Variants in CCDC33 observed in about 807,000 individuals in gnomAD.
CCDC33 encodes the protein coiled-coil domain-containing protein 33.
In CCDC33, 94 loss-of-function variants were observed where a neutral mutation model predicts 91.9. The observed-to-expected ratio is 1.02, with a 90% CI of 0.87 to 1.21. The LOEUF (loss-of-function observed/expected upper bound fraction) is 1.21, where lower values mean the gene tolerates loss of function less well. Among genes scored for constraint, CCDC33 ranks in the 50% most tolerant of loss-of-function variants. CCDC33 has a pLI of 0.00. For synonymous variants in CCDC33, 396 were observed against 374.5 expected, an observed-to-expected ratio of 1.06 and a Z score of -0.66; for missense variants, 940 against 935.5, an observed-to-expected ratio of 1.00 and a Z score of -0.06.
Position 74,316,573 on chromosome 15 carries a change from C to T in CCDC33, c.1291-13616C>T, listed in dbSNP as rs1240930868. On this transcript the variant is annotated intron_variant, in intron 11 of 18. Coordinates refer to ENST00000398814, the MANE Select transcript of CCDC33 (RefSeq NM_025055.5). The surrounding 1 kb of genome is among the most constrained non-coding windows in gnomAD (Gnocchi z 4.7). The stretch of plus-strand genomic sequence containing the variant: ...CCAGGATCTTGGGGATAGCAGGGGG[C>T]ACACACCCATTTCCCTGGTGGGGAG... 6.6e-6 allele frequency among the ~76,000 whole-genome samples: 1 copy of T among 152,098 alleles called. No homozygotes were observed. Among genetic ancestry groups the T allele is most frequent in the African/African-American group, 2.4e-5 (1 of 41,408 alleles).
At chr15:74,272,004 C>T (rs1189316546) in intron 6 of CCDC33, among the ~76,000 whole-genome samples, 2 of 152,206 alleles carry the variant, frequency 1.3e-5, no homozygotes, top group African/African-American at 2.4e-5. Flanking sequence ...AGCCCAGGCC[C>T]CTGGAAAGGG....
intron 11 of CCDC33, among the ~76,000 whole-genome samples, chr15:74,312,941 C>T (rs759942006): frequency 6.6e-6 from 1 of 152,220 alleles, no homozygotes; most frequent in Non-Finnish European, 1.5e-5. Context: ...CCAGAGGAAG[C>T]CCCCAGACCC....
intron 5 of CCDC33, among the ~76,000 whole-genome samples, chr15:74,269,994 G>A (rs543349924): frequency 4.4e-4 from 67 of 152,278 alleles, no homozygotes; most frequent in Non-Finnish European, 8.4e-4. Context: ...GTGAGCAATA[G>A]GGCCTGCCAG....
At chr15:74,209,987 A>G (rs1595871787) in intron 2 of CCDC33, among the ~76,000 whole-genome samples, 1 of 152,188 alleles carries the variant, frequency 6.6e-6, no homozygotes, top group Non-Finnish European at 1.5e-5. Context: ...CAATGATAGT[A>G]AAAGACCCTG....
At chr15:74,237,774 G>A (rs1180139333) in intron 1 of CCDC33, among the ~76,000 whole-genome samples, 1 of 152,228 alleles carries the variant, frequency 6.6e-6, no homozygotes, top group African/African-American at 2.4e-5. Flanking sequence ...GTGCGTGGGA[G>A]TCCTGAGGAG....
chr15:74,307,278 G>C (rs779644817), intron 11 of CCDC33, among the ~76,000 whole-genome samples: 3 of 152,186 alleles, frequency 2.0e-5, no homozygotes, highest in African/African-American at 7.2e-5. Flanking sequence ...GCAAGCACCA[G>C]CCCAACCTTA....
At chr15:74,289,068 G>T (rs558919320) in intron 10 of CCDC33, among the ~76,000 whole-genome samples, 2 of 152,298 alleles carry the variant, frequency 1.3e-5, no homozygotes, top group East Asian at 3.9e-4. Flanking sequence ...GGGCTCCTGG[G>T]GGAGGGGAGT....
At chr15:74,324,038 C>A (rs2060258791) in intron 11 of CCDC33, among the ~76,000 whole-genome samples, 1 of 140,318 alleles carries the variant, frequency 7.1e-6, no homozygotes, top group Non-Finnish European at 1.5e-5. Context: ...TACAGTGAGC[C>A]AAGATCACAC....
chr15:74,239,158 T>C (rs1167192829), intron 1 of CCDC33, among the ~76,000 whole-genome samples: 1 of 151,806 alleles, frequency 6.6e-6, no homozygotes, highest in Non-Finnish European at 1.5e-5. Context: ...CTCCAGCTAG[T>C]GTGACTTTTC....
At chr15:74,317,616 C>A (rs1343107942) in intron 11 of CCDC33, among the ~76,000 whole-genome samples, 1 of 152,164 alleles carries the variant, frequency 6.6e-6, no homozygotes, top group Non-Finnish European at 1.5e-5. Flanking sequence ...GTCATCTATT[C>A]ATTCATTAAA....
chr15:74,254,094 G>T (rs950282466), intron 2 of CCDC33, among the ~76,000 whole-genome samples: 2 of 152,038 alleles, frequency 1.3e-5, no homozygotes, highest in African/African-American at 4.8e-5. Flanking sequence ...GTGCAGTGGT[G>T]TGATCTCAGC....
intron 3 of CCDC33, 124 bp from the exon 4 acceptor site, chr15:74,266,554 A>G: frequency 1.4e-6 from 1 of 713,856 alleles, no homozygotes; most frequent in East Asian, 2.5e-5. Context: ...GTGCATGTTG[A>G]TTCCTCAGTG....
intron 11 of CCDC33, among the ~76,000 whole-genome samples, chr15:74,328,247 A>G (rs1404487364): frequency 1.3e-5 from 2 of 152,214 alleles, no homozygotes; most frequent in Non-Finnish European, 2.9e-5. Flanking sequence ...GGGGGCAGCA[A>G]GGAGGAAGAG....
Position 74,237,283 on chromosome 15 carries a change from TA to T in CCDC33, c.21+548del, listed in dbSNP as rs535255944. Among the ~76,000 whole-genome samples the T allele has an allele frequency of 4.6e-3, 700 of 152,330 alleles. 2 individuals are homozygous for T. Among genetic ancestry groups the T allele is most frequent in the African/African-American group, 0.016 (666 of 41,568 alleles). ...TGCCTGGCACATAGTGGGTGCTTAATAAAAAGCTGTGGCCCAGCAGCAGGGC... is the reference window on the plus strand; with the variant it reads ...TGCCTGGCACATAGTGGGTGCTTAATAAAAGCTGTGGCCCAGCAGCAGGGC... On this transcript the variant is annotated intron_variant, in intron 1 of 18. Transcript: ENST00000398814.
Position 74,218,775 on chromosome 15 carries a change from C to T in CCDC33, c.589C>T (p.Gln197Ter). The change falls in exon 2 of 3, where the codon CAG becomes TAG. Residue 197 changes from glutamine (Q) to a stop codon, truncating the protein, a stop_gained. Coordinates refer to the CCDC33 transcript ENST00000635913. LOFTEE classifies it high-confidence loss of function. The surrounding 1 kb of genome is among the most constrained non-coding windows in gnomAD (Gnocchi z 4.8). ...GGCCTTCCACGTCCACCGGGGCCCT[C>T]AGCCTCCAGTCTCAGACAGCCCTCC... 1 of 1,289,212 alleles carries T rather than the reference C, an allele frequency of 7.8e-7. No individual in the cohort carries two copies. Among genetic ancestry groups the T allele is most frequent in the Non-Finnish European group, 1.0e-6 (1 of 988,500 alleles). 79.9% of individuals were successfully genotyped at this position (1,289,212 alleles called of 1,614,324 possible).
At chr15:74,230,926 A>G (rs1043961313) in intron 2 of CCDC33, among the ~76,000 whole-genome samples, 7 of 152,194 alleles carry the variant, frequency 4.6e-5, no homozygotes, top group Non-Finnish European at 1.0e-4. Flanking sequence ...ATTCCAAGTC[A>G]TCATGCTTTT....
At chr15:74,304,420 C>G (rs2059853482) in intron 11 of CCDC33, 1 of 152,262 alleles carries the variant, frequency 6.6e-6, no homozygotes, top group Non-Finnish European at 1.5e-5. Flanking sequence ...TCCCTCCTTC[C>G]CCCATCCCTC....
At chr15:74,239,874 C>T (rs899600082) in intron 1 of CCDC33, among the ~76,000 whole-genome samples, 1 of 152,242 alleles carries the variant, frequency 6.6e-6, no homozygotes, top group Non-Finnish European at 1.5e-5. Context: ...ACTCATGTAA[C>T]CCAGTATATG....
rs1423214271 is a variant in CCDC33 at position 74,288,841 on chromosome 15, G to A, written c.1096-6913G>A. On this transcript the variant is annotated intron_variant, in intron 10 of 18. Transcript: ENST00000398814. ...AGCCTGTAGACCTGGGCTTGAATCT[G>A]GATCTTCCATTTGATCTTAGCCATC... Among the ~76,000 whole-genome samples, 7 of 152,146 alleles carry A rather than the reference G, an allele frequency of 4.6e-5. No individual in the cohort carries two copies. The East Asian group carries it at 1.3e-3, about 29-fold the overall frequency.
Sources: allele counts gnomAD v4.1 joint callset (sites outside exome capture counted in the v4.1 genomes callset), GRCh38; gene constraint gnomAD v4.1.1; non-coding constraint Gnocchi (gnomAD v3.1); transcripts MANE v1.5; gene names NCBI Gene and HGNC (gene_info 2026-07-23, HGNC 2026-07-21).